Variants in GPC5 observed in about 807,000 individuals in gnomAD.
The protein encoded by GPC5 is glypican 5, also known as glypican-5.
GPC5 carries 47 observed loss-of-function variants against 53.9 expected under a neutral mutation model. The ratio of observed to expected loss-of-function variants is 0.87; its 90% CI spans 0.69 to 1.11. The LOEUF is 1.11. GPC5 is among the 50% of genes most tolerant of loss of function. GPC5 has a pLI of 0.00. For missense variants in GPC5, 748 were observed against 713.1 expected (o/e 1.05, Z -0.56); for synonymous variants, 286 against 263.3 (o/e 1.09, Z -0.84).
Position 92,153,223 on chromosome 13 carries a change from C to T in GPC5, c.1561+8234C>T, listed in dbSNP as rs2041919909. ...TCTCAGCTCACTGCAACTTCCGCCT[C>T]CTGGGTTCAATTCTCATGCCTCAGC... On this transcript the variant is annotated intron_variant, in intron 7 of 7. Transcript: ENST00000377067. Among the ~76,000 whole-genome samples, 5 of 152,230 alleles carry T rather than the reference C, an allele frequency of 3.3e-5. No individual in the cohort carries two copies. The South Asian group carries it at 1.0e-3, about 32-fold the overall frequency.
intron 4 of GPC5, among the ~76,000 whole-genome samples, chr13:91,755,242 CA>C: frequency 6.6e-6 from 1 of 152,128 alleles, no homozygotes; most frequent in South Asian, 2.1e-4. Context: ...AATTTAGAAT[CA>C]CCTGTCTTCT....
At chr13:92,245,551 T>G (rs1463427826) in intron 7 of GPC5, among the ~76,000 whole-genome samples, 1 of 152,202 alleles carries the variant, frequency 6.6e-6, no homozygotes, top group Non-Finnish European at 1.5e-5. Flanking sequence ...TAAACATGTC[T>G]GAACCTTAGT....
rs763549192 is a variant in GPC5, at chr13:91,693,152, A to T, written c.326-35A>T. 13 of 1,484,602 alleles carry T rather than the reference A, an allele frequency of 8.8e-6. No homozygotes were observed. The South Asian group carries it at 1.5e-4, about 18-fold the overall frequency. 92.0% of individuals were successfully genotyped at this position (1,484,602 alleles called of 1,614,324 possible). A position where few individuals can be genotyped will look rare whatever the true frequency, so the allele number is the denominator to read the frequency against. On this transcript the variant is annotated intron_variant, in intron 2 of 7. Transcript: ENST00000377067. The stretch of plus-strand genomic sequence containing the variant: ...ATGGACGGTGTTAGCATGAATACTA[A>T]ACCTTCTCATGTTTTACCTCTGCTT...
At chr13:92,766,639 G>A (rs1875416092) in intron 7 of GPC5, among the ~76,000 whole-genome samples, 1 of 152,184 alleles carries the variant, frequency 6.6e-6, no homozygotes, top group Admixed American at 6.5e-5. Flanking sequence ...TTCGGTATAA[G>A]ACATATTAGT....
intron 7 of GPC5, among the ~76,000 whole-genome samples, chr13:92,571,395 A>C (rs11839447): frequency 2.0e-5 from 3 of 152,166 alleles, no homozygotes; most frequent in African/African-American, 7.2e-5. Flanking sequence ...GAGCCAGGCC[A>C]TGCGCCATGG....
chr13:92,141,702 G>A (rs999336065), intron 6 of GPC5, among the ~76,000 whole-genome samples: 1 of 152,124 alleles, frequency 6.6e-6, no homozygotes. Flanking sequence ...AGAAGTCTGG[G>A]TGGGCTCACT....
At chr13:91,589,782 T>A (rs994280144) in intron 2 of GPC5, among the ~76,000 whole-genome samples, 1 of 152,154 alleles carries the variant, frequency 6.6e-6, no homozygotes, top group Non-Finnish European at 1.5e-5. Context: ...AGATCCTTAT[T>A]TAATTTGAAT....
intron 7 of GPC5, among the ~76,000 whole-genome samples, chr13:92,551,125 T>C (rs919289850): frequency 6.6e-6 from 1 of 151,832 alleles, no homozygotes; most frequent in Non-Finnish European, 1.5e-5. Flanking sequence ...ACCAGAATTA[T>C]TTGTATTCTG....
chr13:92,773,464 C>T (rs1250066303), intron 7 of GPC5, among the ~76,000 whole-genome samples: 1 of 152,000 alleles, frequency 6.6e-6, no homozygotes, highest in Non-Finnish European at 1.5e-5. Flanking sequence ...TAATTGGGCA[C>T]CTGAATAAAG....
At chr13:92,825,490 C>A (rs990808482) in intron 7 of GPC5, among the ~76,000 whole-genome samples, 1 of 152,030 alleles carries the variant, frequency 6.6e-6, no homozygotes, top group Non-Finnish European at 1.5e-5. Flanking sequence ...GTGGCATTTT[C>A]CAAGTGTATT....
At chr13:91,815,818 G>A (rs2038390832) in intron 5 of GPC5, among the ~76,000 whole-genome samples, 1 of 152,032 alleles carries the variant, frequency 6.6e-6, no homozygotes, top group African/African-American at 2.4e-5. Flanking sequence ...TTATTTTCCT[G>A]AAAGCAAATA....
intron 6 of GPC5, among the ~76,000 whole-genome samples, chr13:92,104,507 C>T (rs2041492548): frequency 6.6e-6 from 1 of 152,102 alleles, no homozygotes; most frequent in African/African-American, 2.4e-5. Flanking sequence ...AAGAGGCTCT[C>T]TATGTAAGTA....
chr13:91,708,662 G>C (rs1289034915), intron 3 of GPC5, among the ~76,000 whole-genome samples: 1 of 152,092 alleles, frequency 6.6e-6, no homozygotes, highest in Admixed American at 6.6e-5. Flanking sequence ...GATTTCAAAA[G>C]GGCGAATTTT....
At chr13:91,542,412 G>A (rs1404163051) in intron 2 of GPC5, among the ~76,000 whole-genome samples, 1 of 152,220 alleles carries the variant, frequency 6.6e-6, no homozygotes, top group Non-Finnish European at 1.5e-5. Context: ...GTCACAATAT[G>A]AGACTCTCAA....
At chr13:91,860,517 C>T (rs1367628814) in intron 5 of GPC5, among the ~76,000 whole-genome samples, 5 of 141,012 alleles carry the variant, frequency 3.5e-5, no homozygotes, top group African/African-American at 1.1e-4. Context: ...TCTTCTTTTT[C>T]TTTATTTCTT....
chr13:91,589,045 T>C (rs1162449621), intron 2 of GPC5, among the ~76,000 whole-genome samples: 1 of 152,182 alleles, frequency 6.6e-6, no homozygotes, highest in Non-Finnish European at 1.5e-5. Flanking sequence ...ATCTGACTTC[T>C]ACATCCACTT....
At chr13:92,443,928 T>C (rs925279613) in intron 7 of GPC5, among the ~76,000 whole-genome samples, 1 of 152,158 alleles carries the variant, frequency 6.6e-6, no homozygotes, top group African/African-American at 2.4e-5. Flanking sequence ...CCAGCTGAGA[T>C]GAGAAACCAC....
chr13:92,546,952 A>ACTGG (rs1298813457), intron 7 of GPC5, among the ~76,000 whole-genome samples: 5 of 152,194 alleles, frequency 3.3e-5, no homozygotes, highest in Non-Finnish European at 5.9e-5. Context: ...TGCTGGGAAA[A>ACTGG]CTGGCTAGCC....
intron 6 of GPC5, among the ~76,000 whole-genome samples, chr13:92,044,109 G>A (rs9560903): frequency 0.44 from 67,103 of 151,832 alleles, 15,168 homozygotes; most frequent in Admixed American, 0.52. Context: ...AGGTCCTGGC[G>A]TTATTCTTCT....
Sources: gnomAD v4.1 joint callset for allele counts (sites outside exome capture counted in the v4.1 genomes callset) on GRCh38, gnomAD v4.1.1 for gene constraint, MANE v1.5 for transcripts, NCBI Gene and HGNC (gene_info 2026-07-23, HGNC 2026-07-21) for gene names.